Variants in PIAS2 observed in about 807,000 individuals in gnomAD.
The protein encoded by PIAS2 is E3 SUMO-protein ligase PIAS2.
A neutral mutation model predicts 69.7 loss-of-function variants in PIAS2; 19 were observed. The ratio of observed to expected loss-of-function variants is 0.27; its 90% CI spans 0.19 to 0.40. PIAS2 has a LOEUF of 0.40. Ranked by LOEUF, PIAS2 falls within the 10% of genes least tolerant of loss-of-function variation. PIAS2 has a pLI of 1.00. For missense variants in PIAS2, 624 were observed against 757.0 expected, an observed-to-expected ratio of 0.82 and a Z score of 2.06; for synonymous variants, 261 against 263.2, an observed-to-expected ratio of 0.99 and a Z score of 0.08.
At chr18:46,846,951 T>G in intron 5 of PIAS2, 110 bp from the exon 6 acceptor site, 1 of 961,732 alleles carries the variant, frequency 1.0e-6, no homozygotes, top group Non-Finnish European at 1.4e-6. Flanking sequence ...TATTTTTATT[T>G]TAGCCTAAAA....
rs748326398 is a variant in PIAS2, at chr18:46,855,353, G to T, written c.718C>A (p.Pro240Thr). 1 of 1,599,742 alleles carries T rather than the reference G, an allele frequency of 6.3e-7. No homozygotes were observed. Among genetic ancestry groups the T allele is most frequent in the Non-Finnish European group, 8.5e-7 (1 of 1,171,812 alleles). Reference sequence around the variant, plus strand: ...AATAAAAAGCAACTTACAGGCAAAGGAAATAGCTTCCCATTTACTTTTATA... The same window carrying T: ...AATAAAAAGCAACTTACAGGCAAAGTAAATAGCTTCCCATTTACTTTTATA... ...LCIKVNGKLF[P>T]LPGYAPPPKN... Residue 240 changes from proline (P) to threonine (T), a missense_variant, in exon 5 of 14, where the codon CCT (proline) becomes ACT (threonine). This residue lies in a region of PIAS2 where 339 missense variants were observed against 408.8 expected (regional missense o/e 0.83). Transcript: ENST00000585916.
rs188828531 is a variant in PIAS2, at chr18:46,804,793, G to T, written c.*7640C>A. On this transcript the variant is annotated 3_prime_UTR_variant, in exon 14 of 14. Coordinates refer to ENST00000585916, the MANE Select transcript of PIAS2 (RefSeq NM_004671.5). Reference sequence around the variant, plus strand: ...GCTATTGGAGCACAACTTTGGTGGGGGCAGGATCCTGCCTTGTGTTCCAAG... The same window carrying T: ...GCTATTGGAGCACAACTTTGGTGGGTGCAGGATCCTGCCTTGTGTTCCAAG... The T allele has an allele frequency of 1.3e-5, 2 of 152,222 alleles. No individual in the cohort carries two copies. The highest frequency in any genetic ancestry group is 3.9e-4 in the East Asian group (2 of 5,180). 9.4% of individuals were successfully genotyped at this position (152,222 alleles called of 1,614,324 possible). A position where few individuals can be genotyped will look rare whatever the true frequency, so the allele number is the denominator to read the frequency against.
chr18:46,855,992 CTTTTGTTTTTTTTTTTTT>C (rs2047700991), intron 3 of PIAS2, among the ~76,000 whole-genome samples: 1 of 69,150 alleles, frequency 1.4e-5, no homozygotes, highest in Admixed American at 1.6e-4. Context: ...TTTTCTTTTT[CTTTTGTTTTTTTTTTTTT>C]TTTTTTTTTT....
In PIAS2 at chr18:46,808,328, C is replaced by G. The variant is rs1438624955; in HGVS notation, c.*4105G>C. 4 of 152,236 alleles carry G rather than the reference C, an allele frequency of 2.6e-5. No homozygotes were observed. In the East Asian group the frequency reaches 5.8e-4, roughly 22 times the overall value. The allele number at this position is 152,236 out of a possible 1,614,324, so 9.4% of individuals were successfully genotyped here. A position where few individuals can be genotyped will look rare whatever the true frequency, so the allele number is the denominator to read the frequency against. On this transcript the variant is annotated 3_prime_UTR_variant, in exon 14 of 14. Transcript: ENST00000585916. ...ACTTTTCTGTATTGTCTAAATTTTC[C>G]ACAATAAGCATGTACTACTGACATA...
intron 1 of PIAS2, chr18:46,907,855 C>T (rs1234824620): frequency 6.6e-6 from 1 of 152,022 alleles, no homozygotes; most frequent in Non-Finnish European, 1.5e-5. Flanking sequence ...AGAACCAATC[C>T]CCCAGGTACA....
At chr18:46,881,751 C>G (rs1420709965) in intron 2 of PIAS2, among the ~76,000 whole-genome samples, 3 of 152,260 alleles carry the variant, frequency 2.0e-5, no homozygotes, top group Non-Finnish European at 4.4e-5. Flanking sequence ...ACCTCCCTAA[C>G]TGTGTAACAA....
intron 1 of PIAS2, among the ~76,000 whole-genome samples, chr18:46,898,294 C>A (rs557795456): frequency 2.0e-5 from 3 of 152,072 alleles, no homozygotes; most frequent in African/African-American, 7.2e-5. Context: ...ATTACTGGCA[C>A]ACACCACCAC....
chr18:46,847,000 G>A (rs2276165), intron 5 of PIAS2, among the ~76,000 whole-genome samples, 159 bp from the exon 6 acceptor site: 8,539 of 151,954 alleles, frequency 0.056, 522 homozygotes, highest in African/African-American at 0.14. Context: ...CCCAAAATAG[G>A]AAAATAACCT....
chr18:46,844,082 G>T lies in PIAS2; in HGVS notation c.1013C>A (p.Thr338Asn). ...TADPDSEIAT[T>N]SLRVSLMCPL... ...GCACATCAAGGATACCCGAAGGCTA[G>T]TTGTAGCAATTTCACTATCAGGATC... Residue 338 changes from threonine to asparagine, a missense_variant, in exon 8 of 14, where the codon ACT becomes AAT. Thr to Asn is a moderately conservative substitution (Grantham distance 65). Around this residue, in one of 3 missense-constraint regions of PIAS2, gnomAD observed 339 missense variants for 408.8 expected, o/e 0.83. Transcript: ENST00000585916. 1 of 1,537,184 alleles carries T rather than the reference G, an allele frequency of 6.5e-7. No homozygotes were observed. Among genetic ancestry groups the T allele is most frequent in the Non-Finnish European group, 8.7e-7 (1 of 1,143,500 alleles).
Position 46,828,096 on chromosome 18 carries a change from A to G in PIAS2, c.1371T>C (p.Thr457=), listed in dbSNP as rs763657713. ...SSVLSKPCSV[T]VASEASKKKV... ...TCTTCTTGCTTGCCTCACTGGCTAC[A>G]GTCACTGAACAAGGCTTACTGAGGA... The change falls in exon 11 of 14, where the codon ACT becomes ACC. Residue 457 remains threonine, a synonymous_variant. Coordinates refer to ENST00000585916, the MANE Select transcript of PIAS2 (RefSeq NM_004671.5). 6.2e-7 allele frequency: 1 copy of G among 1,613,734 alleles called. No individual in the cohort carries two copies. Among genetic ancestry groups the G allele is most frequent in the South Asian group, 1.1e-5 (1 of 91,016 alleles).
chr18:46,906,776 G>A (rs202042059), intron 1 of PIAS2, among the ~76,000 whole-genome samples: 5 of 142,432 alleles, frequency 3.5e-5, no homozygotes, highest in African/African-American at 1.3e-4. Flanking sequence ...GTGTGTGTGG[G>A]GGGGGGGGGA....
chr18:46,861,779 G>A (rs1319034079), intron 3 of PIAS2, among the ~76,000 whole-genome samples: 1 of 152,106 alleles, frequency 6.6e-6, no homozygotes, highest in African/African-American at 2.4e-5. Context: ...CTAAGAAACT[G>A]TAACAGATTG....
intron 5 of PIAS2, 66 bp from the exon 6 acceptor site, chr18:46,846,907 A>G: frequency 1.4e-6 from 2 of 1,424,206 alleles, no homozygotes; most frequent in South Asian, 1.6e-5. Context: ...TTTCTCCAAG[A>G]TAGATACAGG....
intron 5 of PIAS2, 36 bp downstream of exon 5, chr18:46,855,309 C>T (rs1452879573): frequency 1.2e-5 from 16 of 1,353,168 alleles, no homozygotes; most frequent in Non-Finnish European, 1.7e-5. Flanking sequence ...TTATATTAAA[C>T]TTATATGCAA....
rs1188227103 is a variant in PIAS2, at chr18:46,807,381, ATATTTTTT to A, written c.*5044_*5051del. 165 of 19,804 alleles carry A rather than the reference ATATTTTTT, an allele frequency of 8.3e-3. No homozygotes were observed. Among genetic ancestry groups the A allele is most frequent in the Middle Eastern group, 0.062 (1 of 16 alleles). 1.2% of individuals were successfully genotyped at this position (19,804 alleles called of 1,614,324 possible). A position where few individuals can be genotyped will look rare whatever the true frequency, so the allele number is the denominator to read the frequency against. On this transcript the variant is annotated 3_prime_UTR_variant, in exon 14 of 14. Coordinates refer to ENST00000585916, the MANE Select transcript of PIAS2 (RefSeq NM_004671.5). ...TATATATATATATATATATATATAT[ATATTTTTT>A]TTTTTTTTTTTTTTTTTTTTTAGAG...
upstream of PIAS2, chr18:46,917,513 G>C: frequency 1.7e-6 from 2 of 1,172,954 alleles, no homozygotes; most frequent in Non-Finnish European, 2.1e-6. Context: ...CACGTGAACG[G>C]CGCGGGAGCT....
chr18:46,906,494 C>A (rs914763825), intron 1 of PIAS2, among the ~76,000 whole-genome samples: 1 of 152,048 alleles, frequency 6.6e-6, no homozygotes, highest in African/African-American at 2.4e-5. Flanking sequence ...CAAAGTCAAA[C>A]TGTACTTCTG....
intron 3 of PIAS2, among the ~76,000 whole-genome samples, chr18:46,859,044 C>T (rs943517487): frequency 9.9e-5 from 15 of 152,276 alleles, no homozygotes; most frequent in Admixed American, 8.5e-4. Flanking sequence ...TCAGAATTCA[C>T]TTTATACTTA....
chr18:46,893,900 T>C (rs1006402697), intron 1 of PIAS2, among the ~76,000 whole-genome samples: 6 of 151,914 alleles, frequency 3.9e-5, no homozygotes, highest in African/African-American at 9.7e-5. Context: ...GCAAGGCGGG[T>C]GGATCATTTG....
Sources: gnomAD v4.1 joint callset for allele counts (sites outside exome capture counted in the v4.1 genomes callset) on GRCh38, gnomAD v4.1.1 for gene constraint, gnomAD v4.1.1 regional missense constraint, MANE v1.5 for transcripts, NCBI Gene and HGNC (gene_info 2026-07-23, HGNC 2026-07-21) for gene names.